KCNMA1: variants seen among roughly 807,000 people sequenced by gnomAD.
The protein encoded by KCNMA1 is Calcium-activated potassium channel subunit alpha-1.
In KCNMA1, 29 loss-of-function variants were observed where a neutral mutation model predicts 140.0. That is an observed-to-expected ratio of 0.21 (90% confidence interval 0.15 to 0.28). The LOEUF (loss-of-function observed/expected upper bound fraction) is 0.28. Ranked by LOEUF, KCNMA1 falls within the 10% of genes least tolerant of loss-of-function variation. KCNMA1 has a pLI of 1.00. For missense variants in KCNMA1, 880 were observed against 1,602.2 expected, an observed-to-expected ratio of 0.55 and a Z score of 7.70; for synonymous variants, 612 against 611.9, an observed-to-expected ratio of 1.00 and a Z score of 0.00.
chr10:77,409,182 C>T (rs753210768), intron 1 of KCNMA1, among the ~76,000 whole-genome samples: 1 of 152,190 alleles, frequency 6.6e-6, no homozygotes, highest in Non-Finnish European at 1.5e-5. Flanking sequence ...GGGCCAAGGG[C>T]CTGACTGCAC....
chr10:77,275,743 C>T (rs953085552), intron 2 of KCNMA1, among the ~76,000 whole-genome samples: 2 of 152,202 alleles, frequency 1.3e-5, no homozygotes, highest in African/African-American at 4.8e-5. Context: ...GCTCCACCAT[C>T]ACTGCTCAGC....
chr10:77,259,852 G>T (rs541231412), intron 2 of KCNMA1, among the ~76,000 whole-genome samples: 66 of 152,316 alleles, frequency 4.3e-4, no homozygotes, highest in Middle Eastern at 3.4e-3. Flanking sequence ...TTGCTGGATG[G>T]CAAGTTCTAT....
intron 1 of KCNMA1, among the ~76,000 whole-genome samples, chr10:77,459,237 C>G (rs1486503529): frequency 6.6e-6 from 1 of 152,248 alleles, no homozygotes; most frequent in Non-Finnish European, 1.5e-5. Flanking sequence ...CACATCACCT[C>G]TGCTCTTGTT....
intron 18 of KCNMA1, among the ~76,000 whole-genome samples, chr10:77,006,176 G>A (rs1024817841): frequency 2.0e-5 from 3 of 152,218 alleles, no homozygotes; most frequent in Non-Finnish European, 2.9e-5. Flanking sequence ...GGGTGGATTG[G>A]AAGAGGCAGG....
chr10:77,437,490 C>T (rs954115965), intron 1 of KCNMA1, among the ~76,000 whole-genome samples: 2 of 152,132 alleles, frequency 1.3e-5, no homozygotes, highest in African/African-American at 2.4e-5. Context: ...TATAGTTTTA[C>T]AGCAGGTAAA....
At chr10:77,131,025 G>A (rs922544117) in intron 5 of KCNMA1, among the ~76,000 whole-genome samples, 4 of 152,066 alleles carry the variant, frequency 2.6e-5, no homozygotes, top group African/African-American at 9.7e-5. Flanking sequence ...GTGAAATGAA[G>A]TGGCTGACCC....
intron 5 of KCNMA1, among the ~76,000 whole-genome samples, chr10:77,162,005 C>T (rs2098559089): frequency 6.6e-6 from 1 of 152,128 alleles, no homozygotes; most frequent in South Asian, 2.1e-4. Context: ...AATTACATCC[C>T]CAAATCCTGT....
At chr10:77,395,793 A>G (rs998757444) in intron 2 of KCNMA1, among the ~76,000 whole-genome samples, 3 of 152,198 alleles carry the variant, frequency 2.0e-5, no homozygotes, top group African/African-American at 2.4e-5. Flanking sequence ...TGCTCTTTGA[A>G]TATTTCTAGT....
At chr10:77,607,187 C>T (rs767757400) in intron 1 of KCNMA1, among the ~76,000 whole-genome samples, 2 of 152,184 alleles carry the variant, frequency 1.3e-5, no homozygotes, top group Non-Finnish European at 2.9e-5. Context: ...GAAGAAGCTA[C>T]GTGGTATCAC....
At chr10:77,097,746 T>A (rs1210079599) in intron 9 of KCNMA1, among the ~76,000 whole-genome samples, 2 of 152,200 alleles carry the variant, frequency 1.3e-5, no homozygotes, top group East Asian at 3.9e-4. Flanking sequence ...TAATTTCCTA[T>A]CCATGGACAC....
downstream of KCNMA1, among the ~76,000 whole-genome samples, chr10:76,882,155 T>C (rs557024763): frequency 3.3e-5 from 5 of 152,286 alleles, no homozygotes; most frequent in East Asian, 1.9e-4. Flanking sequence ...ACTGTGATAA[T>C]TGAGCTTCTC....
chr10:77,052,759 C>T (rs1408342120), intron 14 of KCNMA1, among the ~76,000 whole-genome samples: 2 of 152,094 alleles, frequency 1.3e-5, no homozygotes, highest in African/African-American at 2.4e-5. Flanking sequence ...GCTACTGACC[C>T]TAGTAATTCA....
At chr10:77,576,641 G>A (rs977420652) in intron 1 of KCNMA1, among the ~76,000 whole-genome samples, 22 of 152,208 alleles carry the variant, frequency 1.4e-4, no homozygotes, top group African/African-American at 5.3e-4. Context: ...ACACAGCCGT[G>A]CAAGAAAGCT....
rs749971097 is a variant in KCNMA1, at chr10:76,886,274, T to C, written c.*992A>G. 3.0e-5 allele frequency: 30 copies of C among 985,214 alleles called. No homozygotes were observed. Among genetic ancestry groups the C allele is most frequent in the Non-Finnish European group, 3.4e-5 (28 of 829,864 alleles). 61.0% of individuals were successfully genotyped at this position (985,214 alleles called of 1,614,324 possible). On this transcript the variant is annotated 3_prime_UTR_variant, in exon 28 of 28. Coordinates refer to ENST00000286628, the MANE Select transcript of KCNMA1 (RefSeq NM_001161352.2). ...AGTAAAAAGATCCCCTGAGAATGCATGGAAAAATACTTGCTCTTTCCTGAG... is the reference window on the plus strand; with the variant it reads ...AGTAAAAAGATCCCCTGAGAATGCACGGAAAAATACTTGCTCTTTCCTGAG...
intron 1 of KCNMA1, among the ~76,000 whole-genome samples, chr10:77,629,345 A>G (rs929106910): frequency 1.3e-5 from 2 of 152,234 alleles, no homozygotes; most frequent in African/African-American, 4.8e-5. Context: ...CTTGTTAGCT[A>G]CTGATCAAGA....
chr10:76,871,272 G>C (rs1040172652), exon 28 of KCNMA1: 1 of 152,734 alleles, frequency 6.5e-6, no homozygotes, highest in African/African-American at 2.4e-5. Context: ...TGAACCCAAT[G>C]TAACATTTCT....
chr10:77,567,586 G>T lies in KCNMA1; in HGVS notation c.378+69679C>A, dbSNP rs182401526. On this transcript the variant is annotated intron_variant, in intron 1 of 27. Coordinates refer to ENST00000286628, the MANE Select transcript of KCNMA1 (RefSeq NM_001161352.2). ...GTATCCAGAACCAAGGAAAGTAAAGGCTAAAGGGAAATCCAGATCCTTTCA... is the reference window on the plus strand; with the variant it reads ...GTATCCAGAACCAAGGAAAGTAAAGTCTAAAGGGAAATCCAGATCCTTTCA... Among the ~76,000 whole-genome samples, 4 of 152,284 alleles carry T rather than the reference G, an allele frequency of 2.6e-5. No individual in the cohort carries two copies. The East Asian group carries it at 7.7e-4, about 29-fold the overall frequency.
intron 23 of KCNMA1, among the ~76,000 whole-genome samples, chr10:76,928,188 T>C (rs1264553308): frequency 6.6e-6 from 1 of 151,986 alleles, no homozygotes; most frequent in Non-Finnish European, 1.5e-5. Context: ...AGAAAGGAGA[T>C]ATAAAATTTT....
At chr10:77,203,876 C>T (rs1194441110) in intron 3 of KCNMA1, among the ~76,000 whole-genome samples, 1 of 152,168 alleles carries the variant, frequency 6.6e-6, no homozygotes, top group East Asian at 1.9e-4. Context: ...GCGGGCAGAT[C>T]ACTTGAAGTC....
Sources: gnomAD v4.1 joint callset for allele counts (sites outside exome capture counted in the v4.1 genomes callset) on GRCh38, gnomAD v4.1.1 for gene constraint, MANE v1.5 for transcripts, NCBI Gene and HGNC (gene_info 2026-07-23, HGNC 2026-07-21) for gene names.